FOXN4: variants seen among roughly 807,000 people sequenced by gnomAD.
The protein encoded by FOXN4 is forkhead box protein N4.
A neutral mutation model predicts 45.0 loss-of-function variants in FOXN4; 12 were observed. The ratio of observed to expected loss-of-function variants is 0.27; its 90% CI spans 0.17 to 0.43. The LOEUF (loss-of-function observed/expected upper bound fraction) is 0.43. FOXN4 is among the 20% of genes least tolerant of loss of function. The probability of loss-of-function intolerance (pLI) is 1.00; values close to 1 mark genes in which losing one functional copy is unlikely to be tolerated. For synonymous variants in FOXN4, 297 were observed against 295.0 expected (o/e 1.01, Z -0.07); for missense variants, 560 against 694.9 (o/e 0.81, Z 2.18).
At chr12:109,304,614 C>A (rs2047905203) in intron 2 of FOXN4, among the ~76,000 whole-genome samples, 1 of 152,154 alleles carries the variant, frequency 6.6e-6, no homozygotes, top group South Asian at 2.1e-4. Flanking sequence ...CCTGACAGCT[C>A]CCCAGGGACA....
Position 109,287,318 on chromosome 12 carries a change from C to T in FOXN4, c.596+79G>A. ...AAGTCTGGGCTGCCACACTAGCTGTCTGAGATGCCCTGAGGGCAGCCTCAT... is the reference window on the plus strand; with the variant it reads ...AAGTCTGGGCTGCCACACTAGCTGTTTGAGATGCCCTGAGGGCAGCCTCAT... On this transcript the variant is annotated intron_variant, in intron 6 of 9. Transcript: ENST00000299162. The surrounding 1 kb of genome is among the most constrained non-coding windows in gnomAD (Gnocchi z 4.1). The T allele has an allele frequency of 6.6e-7, 1 of 1,522,278 alleles. No homozygotes were observed. Among genetic ancestry groups the T allele is most frequent in the Non-Finnish European group, 8.9e-7 (1 of 1,127,076 alleles). 94.3% of individuals were successfully genotyped at this position (1,522,278 alleles called of 1,614,324 possible). A position where few individuals can be genotyped will look rare whatever the true frequency, so the allele number is the denominator to read the frequency against.
intron 2 of FOXN4, among the ~76,000 whole-genome samples, chr12:109,304,292 A>AAGG (rs2047900639): frequency 2.2e-5 from 1 of 45,544 alleles, no homozygotes; most frequent in Admixed American, 2.6e-4. Context: ...AGAAAGAAAG[A>AAGG]AAGGAGAAAG....
chr12:109,294,431 G>A (rs530723837), intron 2 of FOXN4, among the ~76,000 whole-genome samples: 30 of 152,230 alleles, frequency 2.0e-4, no homozygotes, highest in African/African-American at 6.5e-4. Context: ...CTCCCTTCTC[G>A]GGGGTTTGCT....
chr12:109,289,558 TTC>T lies in FOXN4; in HGVS notation c.232+581_232+582del, dbSNP rs1169777743. 1.4e-4 allele frequency among the ~76,000 whole-genome samples: 21 copies of T among 152,248 alleles called. 1 individual carries two copies. Among genetic ancestry groups the T allele is most frequent in the African/African-American group, 4.8e-4 (20 of 41,462 alleles). ...CACTGTTTTGCTTTTCTTCAATACT[TTC>T]TGTGTCTCTAAGCATTTTATCCATT... On this transcript the variant is annotated intron_variant, in intron 3 of 9. Transcript: ENST00000299162.
At chr12:109,301,340 T>C (rs2047867498) in intron 2 of FOXN4, among the ~76,000 whole-genome samples, 1 of 152,170 alleles carries the variant, frequency 6.6e-6, no homozygotes, top group Non-Finnish European at 1.5e-5. Flanking sequence ...GGAGAACTGT[T>C]TGTGGAATGG....
At chr12:109,284,558 C>CGTGTGTGTGCGTGCGT (rs1422493033) in intron 8 of FOXN4, among the ~76,000 whole-genome samples, 1 of 148,302 alleles carries the variant, frequency 6.7e-6, no homozygotes, top group South Asian at 2.2e-4. Context: ...TGTGTGCGCA[C>CGTGTGTGTGCGTGCGT]GTGTGTGTGC....
rs1435451015 is a variant in FOXN4 at position 109,281,622 on chromosome 12, G to C, written c.1079C>G (p.Pro360Arg). ...PLMTLSLQSV[P>R]LHHQVQPQAH... The stretch of plus-strand genomic sequence containing the variant: ...CTGGGGCTGGACCTGGTGGTGCAGG[G>C]GGACTGACTGCAGGGACAGGGTCAT... The change falls in exon 9 of 10, where the codon CCC (proline) becomes CGC (arginine). Residue 360 changes from proline to arginine, a missense_variant. Physicochemically the swap from Pro to Arg is moderately radical, Grantham distance 103 (BLOSUM62 -2). Coordinates refer to ENST00000299162, the MANE Select transcript of FOXN4 (RefSeq NM_213596.3). 1.2e-6 allele frequency: 2 copies of C among 1,610,160 alleles called. No individual in the cohort carries two copies. Among genetic ancestry groups the C allele is most frequent in the Non-Finnish European group, 1.7e-6 (2 of 1,178,364 alleles).
chr12:109,304,275 GAAAGAAAGAAAGA>G (rs2047897821), intron 2 of FOXN4, among the ~76,000 whole-genome samples: 1 of 72,354 alleles, frequency 1.4e-5, no homozygotes, highest in Non-Finnish European at 3.0e-5. Flanking sequence ...AAGAAAGAAA[GAAAGAAAGAAAGA>G]AAGAAAGGAG....
chr12:109,290,057 C>A lies in FOXN4; in HGVS notation c.232+84G>T, dbSNP rs1320246722. 1 of 1,440,590 alleles carries A rather than the reference C, an allele frequency of 6.9e-7. No individual in the cohort carries two copies. The highest frequency in any genetic ancestry group is 1.4e-5 in the African/African-American group (1 of 69,956). 89.2% of individuals were successfully genotyped at this position (1,440,590 alleles called of 1,614,324 possible). ...GAGAGACTGGGAGACCGGGTCATGG[C>A]TGCACAGTGGGTGGGTGGCAGGGCT... is the stretch of plus-strand genomic sequence containing the variant. On this transcript the variant is annotated intron_variant, in intron 3 of 9. Coordinates refer to ENST00000299162, the MANE Select transcript of FOXN4 (RefSeq NM_213596.3). The surrounding 1 kb of genome is among the most constrained non-coding windows in gnomAD (Gnocchi z 5.1).
intron 2 of FOXN4, among the ~76,000 whole-genome samples, chr12:109,293,948 G>A (rs901136042): frequency 2.6e-5 from 4 of 152,200 alleles, no homozygotes; most frequent in Non-Finnish European, 5.9e-5. Context: ...ACTTCACAGA[G>A]GGGGAAGCTG....
intron 2 of FOXN4, among the ~76,000 whole-genome samples, chr12:109,304,521 A>G (rs1445401003): frequency 6.6e-6 from 1 of 152,160 alleles, no homozygotes; most frequent in Non-Finnish European, 1.5e-5. Context: ...AGAGGTCAGG[A>G]CCACCCCCAG....
chr12:109,284,265 C>T (rs1272709444), intron 8 of FOXN4, among the ~76,000 whole-genome samples: 6 of 152,212 alleles, frequency 3.9e-5, no homozygotes, highest in Non-Finnish European at 7.3e-5. Context: ...TCAGGCCCCT[C>T]TACTACTCCT....
At chr12:109,299,429 T>G (rs143222442) in intron 2 of FOXN4, among the ~76,000 whole-genome samples, 1 of 152,032 alleles carries the variant, frequency 6.6e-6, no homozygotes, top group Non-Finnish European at 1.5e-5. Flanking sequence ...AACGCACACA[T>G]GCACACGCCC....
At chr12:109,292,984 C>T (rs1289588299) in intron 2 of FOXN4, among the ~76,000 whole-genome samples, 1 of 152,170 alleles carries the variant, frequency 6.6e-6, no homozygotes, top group African/African-American at 2.4e-5. Flanking sequence ...TCTGGCTCCC[C>T]CTTCCTGCAG....
rs558997463 is a variant in FOXN4 at position 109,286,561 on chromosome 12, G to C, written c.693+87C>G. 1.5e-3 allele frequency: 1,938 copies of C among 1,322,662 alleles called. 5 individuals carry two copies. Among genetic ancestry groups the C allele is most frequent in the Non-Finnish European group, 1.9e-3 (1,772 of 952,854 alleles). 81.9% of individuals were successfully genotyped at this position (1,322,662 alleles called of 1,614,324 possible). On this transcript the variant is annotated intron_variant, in intron 7 of 9. Transcript: ENST00000299162. ...ACAGACATAACTGGGAACCAAAGAG[G>C]GTTGGCCCAGGGCCAGCCCTGGATT... is the stretch of plus-strand genomic sequence containing the variant.
chr12:109,294,519 T>C (rs1045264551), intron 2 of FOXN4, among the ~76,000 whole-genome samples: 4 of 152,136 alleles, frequency 2.6e-5, no homozygotes, highest in Admixed American at 2.0e-4. Context: ...GGTCCTCTCT[T>C]GTGCCCACTG....
At chr12:109,299,232 C>T (rs999171898) in intron 2 of FOXN4, among the ~76,000 whole-genome samples, 9 of 152,240 alleles carry the variant, frequency 5.9e-5, no homozygotes, top group African/African-American at 2.2e-4. Flanking sequence ...TCCCCCGCCC[C>T]CAAGGACGCT....
In FOXN4 at chr12:109,290,345, T is replaced by C. The variant is rs1593776213; in HGVS notation, c.87-59A>G. On this transcript the variant is annotated intron_variant, in intron 2 of 9. Coordinates refer to ENST00000299162, the MANE Select transcript of FOXN4 (RefSeq NM_213596.3). The surrounding 1 kb of genome is among the most constrained non-coding windows in gnomAD (Gnocchi z 5.1). ...GGGAGCTTAGGCCAGCTCCTGGGGG[T>C]GCGTCCCGACCTCTGGAAGCACCCG... is the stretch of plus-strand genomic sequence containing the variant. The C allele has an allele frequency of 6.7e-7, 1 of 1,485,784 alleles. No homozygotes were observed. The highest frequency in any genetic ancestry group is 2.6e-5 in the East Asian group (1 of 39,052). The allele number at this position is 1,485,784 out of a possible 1,614,324, so 92.0% of individuals were successfully genotyped here. A position where few individuals can be genotyped will look rare whatever the true frequency, so the allele number is the denominator to read the frequency against.
chr12:109,303,498 C>T (rs1452804914), intron 2 of FOXN4, among the ~76,000 whole-genome samples: 1 of 152,242 alleles, frequency 6.6e-6, no homozygotes, highest in Non-Finnish European at 1.5e-5. Flanking sequence ...CTTTTATCTA[C>T]TGTGTGCCCA....
Sources: gnomAD v4.1 joint callset for allele counts (sites outside exome capture counted in the v4.1 genomes callset) on GRCh38, gnomAD v4.1.1 for gene constraint, Gnocchi (gnomAD v3.1) non-coding constraint, MANE v1.5 for transcripts, NCBI Gene and HGNC (gene_info 2026-07-23, HGNC 2026-07-21) for gene names.